AKAP13: variants seen among roughly 807,000 people sequenced by gnomAD.
AKAP13 encodes the protein A-kinase anchoring protein 13.
Under a neutral mutation model 264.5 loss-of-function variants are expected in AKAP13, and 80 were observed. The ratio of observed to expected loss-of-function variants is 0.30; its 90% CI spans 0.25 to 0.36. AKAP13 has a LOEUF of 0.36. Ranked by LOEUF, AKAP13 falls within the 10% of genes least tolerant of loss-of-function variation. AKAP13 has a pLI of 1.00. For synonymous variants in AKAP13, 1,380 were observed against 1,250.2 expected (o/e 1.10, Z -2.19); for missense variants, 3,712 against 3,435.2 (o/e 1.08, Z -2.01).
chr15:85,632,402 A>T (rs406227), intron 8 of AKAP13, among the ~76,000 whole-genome samples: 95,800 of 151,982 alleles, frequency 0.63, 30,349 homozygotes, highest in Middle Eastern at 0.73. Context: ...TTATCTTTAT[A>T]ATACTGGACA....
intron 2 of AKAP13, among the ~76,000 whole-genome samples, chr15:85,515,102 T>C (rs2076558985): frequency 1.4e-5 from 2 of 138,454 alleles, no homozygotes; most frequent in East Asian, 4.0e-4. Flanking sequence ...TTACATAAAA[T>C]ATGTGACTGC....
Position 85,727,316 on chromosome 15 carries a change from G to A in AKAP13, c.7005-65G>A. The A allele has an allele frequency of 5.0e-6, 8 of 1,613,088 alleles. No individual in the cohort carries two copies. Among genetic ancestry groups the A allele is most frequent in the Non-Finnish European group, 6.8e-6 (8 of 1,179,280 alleles). The stretch of plus-strand genomic sequence containing the variant: ...TCTCTGTGTGATTTCATAACAGGCT[G>A]GACTGTGACCAGAGTAATTGACATC... On this transcript the variant is annotated intron_variant, in intron 28 of 36. Coordinates refer to ENST00000394518, the MANE Select transcript of AKAP13 (RefSeq NM_007200.5). This position sits in a 1 kb window ranked among gnomAD's most constrained non-coding sequence, Gnocchi z 5.3.
intron 3 of AKAP13, among the ~76,000 whole-genome samples, chr15:85,528,477 T>A (rs1013027528): frequency 9.2e-5 from 14 of 152,136 alleles, no homozygotes; most frequent in Admixed American, 8.5e-4. Context: ...AAACTACCAG[T>A]TTTAGTTGCC....
chr15:85,735,447 G>A, intron 31 of AKAP13, 113 bp from the exon 32 acceptor site: 1 of 1,099,112 alleles, frequency 9.1e-7, no homozygotes. Context: ...CCTTTTTGGG[G>A]GCATCAGTAG....
At chr15:85,628,176 G>GT (rs1415443135) in intron 8 of AKAP13, among the ~76,000 whole-genome samples, 1 of 152,212 alleles carries the variant, frequency 6.6e-6, no homozygotes, top group Non-Finnish European at 1.5e-5. Context: ...ATCTTGGGAT[G>GT]TCAAGCCTTC....
chr15:85,522,925 CA>C (rs1484811906), intron 3 of AKAP13, among the ~76,000 whole-genome samples: 5 of 120,378 alleles, frequency 4.2e-5, no homozygotes, highest in Non-Finnish European at 7.1e-5. Flanking sequence ...CACCCCCACC[CA>C]CACCCCCTCC....
At position 85,580,769 on chromosome 15, in the gene AKAP13, A is replaced by T. The variant is rs1024143021; in HGVS notation, c.2701A>T (p.Thr901Ser). 9.9e-6 allele frequency: 16 copies of T among 1,614,114 alleles called. No individual in the cohort carries two copies. The highest frequency in any genetic ancestry group is 1.6e-4 in the Middle Eastern group (1 of 6,062). The stretch of plus-strand genomic sequence containing the variant: ...TTCCCTGCAAAGTGTGGGTAAGGCC[A>T]CTTTGGCTTTAGATTCAGTTTTGAC... Reference protein sequence around the residue: ...DSSLQSVGKATLALDSVLTEE... With the variant: ...DSSLQSVGKASLALDSVLTEE... The change falls in exon 7 of 37, where the codon ACT (threonine) becomes TCT (serine). Residue 901 changes from threonine (T) to serine (S), a missense_variant. By Grantham distance (58) the Thr-to-Ser change is moderately conservative. Around this residue, in one of 3 missense-constraint regions of AKAP13, gnomAD observed 2,759 missense variants for 2,411.7 expected, o/e 1.14. Transcript: ENST00000394518.
chr15:85,559,418 G>A (rs1193047010), intron 5 of AKAP13, among the ~76,000 whole-genome samples: 1 of 152,074 alleles, frequency 6.6e-6, no homozygotes, highest in Non-Finnish European at 1.5e-5. Flanking sequence ...GTGGGAGGAG[G>A]GGATGTGATG....
intron 33 of AKAP13, among the ~76,000 whole-genome samples, chr15:85,738,907 C>G (rs1464808336): frequency 6.6e-6 from 1 of 150,794 alleles, no homozygotes; most frequent in Non-Finnish European, 1.5e-5. Flanking sequence ...CATAACATAT[C>G]CGAGTTGTAT....
Position 85,579,026 on chromosome 15 carries a change from T to C in AKAP13, c.958T>C (p.Cys320Arg), listed in dbSNP as rs1489654155. 2.5e-6 allele frequency: 4 copies of C among 1,614,036 alleles called. No individual in the cohort carries two copies. The highest frequency in any genetic ancestry group is 4.5e-5 in the East Asian group (2 of 44,882). The change falls in exon 7 of 37, where the codon TGT becomes CGT. Residue 320 changes from cysteine to arginine, a missense_variant. Cys to Arg is a radical substitution (Grantham distance 180, BLOSUM62 -3). Transcript: ENST00000394518. Reference protein sequence around the residue: ...APETDGQFLPCAPEPTDPQRL... With the variant: ...APETDGQFLPRAPEPTDPQRL... ...AGAGACAGATGGCCAGTTTCTTCCC[T>C]GTGCACCGGAGCCCACGGACCCTCA...
At chr15:85,654,275 C>T (rs116924228) in intron 10 of AKAP13, among the ~76,000 whole-genome samples, 3 of 152,288 alleles carry the variant, frequency 2.0e-5, no homozygotes, top group South Asian at 2.1e-4. Context: ...TAGGTGGGGT[C>T]ATAAGCTATT....
At position 85,580,602 on chromosome 15, in the gene AKAP13, T is replaced by G. The variant is rs4075256; in HGVS notation, c.2534T>G (p.Val845Gly). 4,056 of 1,614,024 alleles carry G rather than the reference T, an allele frequency of 2.5e-3. 28 individuals are homozygous for G. Among genetic ancestry groups the G allele is most frequent in the Middle Eastern group, 0.015 (92 of 6,060 alleles). Residue 845 changes from valine (V) to glycine (G), a missense_variant, in exon 7 of 37, where the codon GTA becomes GGA. Val to Gly is a moderately radical substitution (Grantham distance 109). Around this residue, in one of 3 missense-constraint regions of AKAP13, gnomAD observed 2,759 missense variants for 2,411.7 expected, o/e 1.14. Transcript: ENST00000394518. ...ACGCGGCCACTAGAAGACAGGGCAG[T>G]AGGCCTGTCCACATCCTCCACTGCT... ...PDTRPLEDRA[V>G]GLSTSSTAAE...
intron 8 of AKAP13, among the ~76,000 whole-genome samples, chr15:85,587,377 G>C (rs1403505207): frequency 6.6e-6 from 1 of 152,170 alleles, no homozygotes; most frequent in Non-Finnish European, 1.5e-5. Flanking sequence ...TTGTGGCATT[G>C]ATCAGTATTT....
At chr15:85,619,811 G>T in intron 8 of AKAP13, 2 of 1,218,166 alleles carry the variant, frequency 1.6e-6, no homozygotes, top group East Asian at 3.8e-5. Context: ...ATAGCATTAG[G>T]TGGTATTTAT....
At position 85,397,653 on chromosome 15, in the gene AKAP13, G is replaced by A. The variant is rs1341355495; in HGVS notation, c.-12+16855G>A. 5.9e-5 allele frequency among the ~76,000 whole-genome samples: 9 copies of A among 152,100 alleles called. No individual in the cohort carries two copies. In the South Asian group the frequency reaches 1.7e-3, roughly 28 times the overall value. On this transcript the variant is annotated intron_variant, in intron 1 of 36. Transcript: ENST00000394518. ...GTCAGGTCTTATCTCTGCAAGGAAGGTATTTTTATGATTTTACCAGAAAAG... is the reference window on the plus strand; with the variant it reads ...GTCAGGTCTTATCTCTGCAAGGAAGATATTTTTATGATTTTACCAGAAAAG...
At chr15:85,701,941 C>T (rs2085941178) in intron 17 of AKAP13, among the ~76,000 whole-genome samples, 1 of 151,990 alleles carries the variant, frequency 6.6e-6, no homozygotes, top group African/African-American at 2.4e-5. Context: ...CTGCAGCCTG[C>T]CTCTTATAAA....
At chr15:85,569,834 T>A (rs990221355) in intron 5 of AKAP13, among the ~76,000 whole-genome samples, 6 of 151,744 alleles carry the variant, frequency 4.0e-5, no homozygotes, top group Non-Finnish European at 8.8e-5. Context: ...TCCCAGCACA[T>A]TGGGAGGCCA....
intron 5 of AKAP13, among the ~76,000 whole-genome samples, chr15:85,545,126 G>A (rs1007504163): frequency 6.6e-6 from 1 of 152,146 alleles, no homozygotes; most frequent in Non-Finnish European, 1.5e-5. Flanking sequence ...ATGAGCTTTG[G>A]ATACCTGAGC....
At position 85,532,178 on chromosome 15, in the gene AKAP13, A is replaced by G. The variant is rs2077263078; in HGVS notation, c.182-1406A>G. Among the ~76,000 whole-genome samples, 3 of 152,164 alleles carry G rather than the reference A, an allele frequency of 2.0e-5. No individual in the cohort carries two copies. The South Asian group carries it at 6.2e-4, about 31-fold the overall frequency. On this transcript the variant is annotated intron_variant, in intron 3 of 36. Coordinates refer to ENST00000394518, the MANE Select transcript of AKAP13 (RefSeq NM_007200.5). ...ACTTGCTTGGTAAATGTTTCCTACC[A>G]CCCTAAAATTACACAGCAGTGAGAG...
Sources: gnomAD v4.1 joint callset for allele counts (sites outside exome capture counted in the v4.1 genomes callset) on GRCh38, gnomAD v4.1.1 for gene constraint, gnomAD v4.1.1 regional missense constraint, Gnocchi (gnomAD v3.1) non-coding constraint, MANE v1.5 for transcripts, NCBI Gene and HGNC (gene_info 2026-07-23, HGNC 2026-07-21) for gene names.